The following GBP1 variants were observed in gnomAD, a reference collection of about 807,000 sequenced individuals.
The protein encoded by GBP1 is guanylate-binding protein 1.
A neutral mutation model predicts 69.5 loss-of-function variants in GBP1; 64 were observed. The ratio of observed to expected loss-of-function variants is 0.92; its 90% CI spans 0.75 to 1.13. The LOEUF is 1.13. Ranked by LOEUF, GBP1 falls within the 50% of genes most tolerant of loss-of-function variation. The pLI is 0.00. For missense variants in GBP1, 630 were observed against 704.1 expected, an observed-to-expected ratio of 0.89 and a Z score of 1.19; for synonymous variants, 250 against 261.2, an observed-to-expected ratio of 0.96 and a Z score of 0.41.
At chr1:89,058,413 C>A in intron 5 of GBP1, 179 bp from the exon 6 acceptor site, 1 of 590,094 alleles carries the variant, frequency 1.7e-6, no homozygotes, top group Non-Finnish European at 2.9e-6. Flanking sequence ...TAGCATTATT[C>A]CAAAAAAACC....
At chr1:89,056,364 C>CTCT in intron 7 of GBP1, 136 bp from the exon 8 acceptor site, 1 of 1,433,592 alleles carries the variant, frequency 7.0e-7, no homozygotes, top group East Asian at 2.4e-5. Context: ...CAGGACCACA[C>CTCT]TCTTCCTTCT....
chr1:89,063,966 G>C (rs1394834466), intron 1 of GBP1, among the ~76,000 whole-genome samples: 1 of 152,164 alleles, frequency 6.6e-6, no homozygotes, highest in Non-Finnish European at 1.5e-5. Context: ...CTAAGTCACT[G>C]AGGGTATGAA....
intron 10 of GBP1, among the ~76,000 whole-genome samples, chr1:89,054,364 T>G (rs540944465): frequency 3.9e-5 from 6 of 151,936 alleles, no homozygotes; most frequent in Admixed American, 3.3e-4. Context: ...CCTCCCAGAG[T>G]GCTGGGATTA....
At chr1:89,056,452 T>C (rs1680048283) in intron 7 of GBP1, among the ~76,000 whole-genome samples, 1 of 152,192 alleles carries the variant, frequency 6.6e-6, no homozygotes, top group Admixed American at 6.5e-5. Flanking sequence ...ATGTCAACTG[T>C]TAGAGGAAAA....
intron 8 of GBP1, 129 bp from the exon 9 acceptor site, chr1:89,055,344 T>A (rs1391763357): frequency 2.0e-6 from 3 of 1,478,154 alleles, no homozygotes; most frequent in Non-Finnish European, 1.8e-6. Context: ...GGTGGTCAAA[T>A]TCCCTGTCGG....
rs779595056 is a variant in GBP1, at chr1:89,059,490, C to G, written c.319-64G>C. 1.3e-5 allele frequency: 19 copies of G among 1,456,592 alleles called. No homozygotes were observed. The East Asian group carries it at 2.4e-4, about 18-fold the overall frequency. 90.2% of individuals were successfully genotyped at this position (1,456,592 alleles called of 1,614,324 possible). A position where few individuals can be genotyped will look rare whatever the true frequency, so the allele number is the denominator to read the frequency against. On this transcript the variant is annotated intron_variant, in intron 3 of 10. Transcript: ENST00000370473. ...ATCATCGCAGCACTTTTCAGAGTAA[C>G]AGTAGTAAAACTATGTTCATATGTT...
In GBP1 at chr1:89,054,812, T is replaced by C. The variant is rs1488144728; in HGVS notation, c.1535A>G (p.Lys512Arg). Residue 512 changes from lysine (K) to arginine (R), a missense_variant, in exon 10 of 11, where the codon AAG (lysine) becomes AGG (arginine). Physicochemically the swap from Lys to Arg is conservative, Grantham distance 26. This residue lies in a region of GBP1 where 35 missense variants were observed against 68.6 expected (regional missense o/e 0.51). Coordinates refer to ENST00000370473, the MANE Select transcript of GBP1 (RefSeq NM_002053.3). ...SAKMLQEMQRKNEQMMEQKER... is the reference protein window; with the variant it reads ...SAKMLQEMQRRNEQMMEQKER... Reference sequence around the variant, plus strand: ...CTTCTGTTCCATCATCTGCTCATTCTTTCTTTGCATTTCCTGCAACATTTT... The same window carrying C: ...CTTCTGTTCCATCATCTGCTCATTCCTTCTTTGCATTTCCTGCAACATTTT... 2 of 1,614,162 alleles carry C rather than the reference T, an allele frequency of 1.2e-6. No individual in the cohort carries two copies. The highest frequency in any genetic ancestry group is 1.3e-5 in the African/African-American group (1 of 74,958).
In GBP1 at chr1:89,053,058, G is replaced by T. The variant is rs1317219631; in HGVS notation, c.*297C>A. ...TCCCAAGACTTTTACCTAAGACTCT[G>T]CTCAGTATCCATTTGTCTACTGCTG... On this transcript the variant is annotated 3_prime_UTR_variant, in exon 11 of 11. Transcript: ENST00000370473. 1 of 259,122 alleles carries T rather than the reference G, an allele frequency of 3.9e-6. No individual in the cohort carries two copies. The highest frequency in any genetic ancestry group is 7.2e-6 in the Non-Finnish European group (1 of 138,076). The allele number at this position is 259,122 out of a possible 1,614,324, so 16.1% of individuals were successfully genotyped here. A position where few individuals can be genotyped will look rare whatever the true frequency, so the allele number is the denominator to read the frequency against.
chr1:89,064,199 ATGTGTGTGTGTGTGTGTGTG>A (rs759907157), intron 1 of GBP1, among the ~76,000 whole-genome samples: 7 of 100,804 alleles, frequency 6.9e-5, no homozygotes, highest in Admixed American at 4.6e-4. Flanking sequence ...GGGGCTGGGA[ATGTGTGTGTGTGTGTGTGTG>A]TGTGTGTGTG....
At position 89,060,315 on chromosome 1, in the gene GBP1, A is replaced by G; in HGVS notation, c.200T>C (p.Leu67Pro). The change falls in exon 3 of 11, where the codon CTG (leucine) becomes CCG (proline). Residue 67 changes from leucine (L) to proline (P), a missense_variant. Physicochemically the swap from Leu to Pro is moderately conservative, Grantham distance 98. This residue lies in a region of GBP1 where 131 missense variants were observed against 138.5 expected (regional missense o/e 0.95). Coordinates refer to ENST00000370473, the MANE Select transcript of GBP1 (RefSeq NM_002053.3). ...KLAGKKKGFS[L>P]GSTVQSHTKG... The stretch of plus-strand genomic sequence containing the variant: ...AGTGTGAGACTGCACCGTGGAGCCC[A>G]GAGAGAAGCCTGCAAGGGAGAGAGG... 3.1e-6 allele frequency: 5 copies of G among 1,591,052 alleles called. No homozygotes were observed. The highest frequency in any genetic ancestry group is 4.3e-6 in the Non-Finnish European group (5 of 1,169,966).
In GBP1 at chr1:89,059,000, G is replaced by C; in HGVS notation, c.472C>G (p.Pro158Ala). The change falls in exon 5 of 11, where the codon CCT becomes GCT. Residue 158 changes from proline to alanine, a missense_variant. Physicochemically the swap from Pro to Ala is conservative, Grantham distance 27 (BLOSUM62 -1). Coordinates refer to ENST00000370473, the MANE Select transcript of GBP1 (RefSeq NM_002053.3). ...LTHRIRSKSSPDENENEVEDS... is the reference protein window; with the variant it reads ...LTHRIRSKSSADENENEVEDS... ...TCAACCTCATTCTCATTCTCATCAG[G>C]TGAGGATTTTGATCGGATTCTATGT... 1 of 1,614,148 alleles carries C rather than the reference G, an allele frequency of 6.2e-7. No individual in the cohort carries two copies. The highest frequency in any genetic ancestry group is 8.5e-7 in the Non-Finnish European group (1 of 1,180,028).
At chr1:89,061,100 A>T (rs1680185696) in intron 2 of GBP1, among the ~76,000 whole-genome samples, 1 of 152,196 alleles carries the variant, frequency 6.6e-6, no homozygotes, top group South Asian at 2.1e-4. Flanking sequence ...TATTCTTAAG[A>T]TGTCACTACT....
chr1:89,054,704 C>T lies in GBP1; in HGVS notation c.1643G>A (p.Arg548Lys). Residue 548 changes from arginine (R) to lysine (K), a missense_variant, in exon 10 of 11, where the codon AGG (arginine) becomes AAG (lysine). Coordinates refer to ENST00000370473, the MANE Select transcript of GBP1 (RefSeq NM_002053.3). Reference sequence around the variant, plus strand: ...TACCTGAAGTTTAAGAGCGAGGGTCCTCTCTTGCTCTTTCAGCAACTGGAC... The same window carrying T: ...TACCTGAAGTTTAAGAGCGAGGGTCTTCTCTTGCTCTTTCAGCAACTGGAC... ...DRVQLLKEQE[R>K]TLALKLQEQE... 6.2e-7 allele frequency: 1 copy of T among 1,614,058 alleles called. No homozygotes were observed. Among genetic ancestry groups the T allele is most frequent in the Non-Finnish European group, 8.5e-7 (1 of 1,179,920 alleles).
intron 5 of GBP1, 31 bp from the exon 6 acceptor site, chr1:89,058,265 G>GCCTAATATA: frequency 6.5e-7 from 1 of 1,540,762 alleles, no homozygotes; most frequent in South Asian, 1.3e-5. Context: ...TTATAAAATT[G>GCCTAATATA]CCTAATATAA....
chr1:89,059,531 CTTTTCTTTTT>C, intron 3 of GBP1, 105 bp from the exon 4 acceptor site: 1 of 836,658 alleles, frequency 1.2e-6, no homozygotes, highest in Non-Finnish European at 1.6e-6. Context: ...GTTTTTTTTT[CTTTTCTTTTT>C]TTTTTTTTTT....
In GBP1 at chr1:89,060,268, C is replaced by T. The variant is rs543309651; in HGVS notation, c.247G>A (p.Val83Met). 3.1e-5 allele frequency: 49 copies of T among 1,603,658 alleles called. No homozygotes were observed. The African/African-American group carries it at 4.2e-4, about 14-fold the overall frequency. ...SHTKGIWMWCVPHPKKPGHIL... is the reference protein window; with the variant it reads ...SHTKGIWMWCMPHPKKPGHIL... ...TGGCCTGGCTTCTTGGGGTGGGGCA[C>T]ACACCACATCCAGATTCCTTTAGTG... The change falls in exon 3 of 11, where the codon GTG (valine) becomes ATG (methionine). Residue 83 changes from valine to methionine, a missense_variant. Val to Met is a conservative substitution (Grantham distance 21). This residue lies in a region of GBP1 where 131 missense variants were observed against 138.5 expected (regional missense o/e 0.95). Coordinates refer to ENST00000370473, the MANE Select transcript of GBP1 (RefSeq NM_002053.3).
intron 2 of GBP1, among the ~76,000 whole-genome samples, chr1:89,060,873 T>A (rs1272008239): frequency 1.3e-5 from 2 of 152,226 alleles, no homozygotes; most frequent in Non-Finnish European, 2.9e-5. Flanking sequence ...GCATGCAAAG[T>A]CAATATGGAG....
At chr1:89,055,912 T>C in intron 8 of GBP1, 104 bp downstream of exon 8, 1 of 1,353,320 alleles carries the variant, frequency 7.4e-7, no homozygotes, top group Non-Finnish European at 1.1e-6. Context: ...ATGAATGTTA[T>C]GCAAACAAAA....
At chr1:89,064,703 T>G (rs1178905835) in intron 1 of GBP1, among the ~76,000 whole-genome samples, 1 of 152,244 alleles carries the variant, frequency 6.6e-6, no homozygotes, top group African/African-American at 2.4e-5. Context: ...CTGCTTACTC[T>G]GCTTCTCATT....
Sources: gnomAD v4.1 joint callset for allele counts (sites outside exome capture counted in the v4.1 genomes callset) on GRCh38, gnomAD v4.1.1 for gene constraint, gnomAD v4.1.1 regional missense constraint, MANE v1.5 for transcripts, NCBI Gene and HGNC (gene_info 2026-07-23, HGNC 2026-07-21) for gene names.